The following EMILIN1 variants were observed in gnomAD, a reference collection of about 807,000 sequenced individuals.
EMILIN1 encodes EMILIN-1.
A neutral mutation model predicts 82.4 loss-of-function variants in EMILIN1; 49 were observed. The observed-to-expected ratio is 0.59, with a 90% CI of 0.47 to 0.75. The LOEUF (loss-of-function observed/expected upper bound fraction) is 0.75, where lower values mean the gene tolerates loss of function less well. Ranked by LOEUF, EMILIN1 falls within the 30% of genes least tolerant of loss-of-function variation. The pLI, the probability that EMILIN1 is intolerant of heterozygous loss-of-function variation, is 0.00. For missense variants in EMILIN1, 1,313 were observed against 1,366.4 expected (o/e 0.96, Z 0.62); for synonymous variants, 604 against 602.2 (o/e 1.00, Z -0.04).
At position 27,082,512 on chromosome 2, in the gene EMILIN1, G is replaced by T. The variant is rs1019991582; in HGVS notation, c.941G>T (p.Arg314Leu). 3.2e-6 allele frequency: 5 copies of T among 1,545,408 alleles called. No homozygotes were observed. The highest frequency in any genetic ancestry group is 4.4e-6 in the Non-Finnish European group (5 of 1,145,722). Reference protein sequence around the residue: ...VCLAGLDGFRRQQQEDRERLR... With the variant: ...VCLAGLDGFRLQQQEDRERLR... ...CTGGCCGGGCTAGATGGCTTCCGCC[G>T]GCAGCAGCAGGAGGACAGGGAGCGG... Residue 314 changes from arginine to leucine, a missense_variant, in exon 4 of 8, where the codon CGG becomes CTG. Transcript: ENST00000380320.
At chr2:27,081,055 C>G (rs1669465323) in intron 3 of EMILIN1, 103 bp downstream of exon 3, 3 of 862,806 alleles carry the variant, frequency 3.5e-6, no homozygotes, top group Non-Finnish European at 5.4e-6. Flanking sequence ...GTGCTCTATG[C>G]CAGAGAGAAG....
intron 1 of EMILIN1, 42 bp downstream of exon 1, chr2:27,079,277 A>G: frequency 6.6e-7 from 1 of 1,506,464 alleles, no homozygotes; most frequent in African/African-American, 1.5e-5. Flanking sequence ...GTGGTGAGGA[A>G]GGGGTCAGAA....
Position 27,085,255 on chromosome 2 carries a change from A to G in EMILIN1, c.2671A>G (p.Arg891Gly). 6.2e-7 allele frequency: 1 copy of G among 1,614,144 alleles called. No homozygotes were observed. Among genetic ancestry groups the G allele is most frequent in the Non-Finnish European group, 8.5e-7 (1 of 1,180,042 alleles). The change falls in exon 7 of 8, where the codon AGA (arginine) becomes GGA (glycine). Residue 891 changes from arginine to glycine, a missense_variant. Coordinates refer to ENST00000380320, the MANE Select transcript of EMILIN1 (RefSeq NM_007046.4). ...RSEPGTVPFD[R>G]VLLNDGGYYD... Reference sequence around the variant, plus strand: ...TGAACCAGGCACGGTCCCCTTCGACAGAGTCCTGCTCAATGATGGAGGCTA... The same window carrying G: ...TGAACCAGGCACGGTCCCCTTCGACGGAGTCCTGCTCAATGATGGAGGCTA...
In EMILIN1 at chr2:27,082,396, GGCCCCA is replaced by G; in HGVS notation, c.835_840del (p.Pro279_Ala280del). 3 of 1,609,052 alleles carry G rather than the reference GGCCCCA, an allele frequency of 1.9e-6. No homozygotes were observed. The highest frequency in any genetic ancestry group is 2.5e-6 in the Non-Finnish European group (3 of 1,178,956). Reference sequence around the variant, plus strand: ...GCAGCAGCAGCAGTGGGGGCAGCAGGGCCCCAGCCCCAGCCTCAGCCCCTCCGGGCC... The same window carrying G: ...GCAGCAGCAGCAGTGGGGGCAGCAGGGCCCCAGCCTCAGCCCCTCCGGGCC... On this transcript the variant is annotated inframe_deletion, in exon 4 of 8. Transcript: ENST00000380320.
rs1669584281 is a variant in EMILIN1 at position 27,085,267 on chromosome 2, A to G, written c.2683A>G (p.Asn895Asp). 6.2e-7 allele frequency: 1 copy of G among 1,613,982 alleles called. No individual in the cohort carries two copies. Among genetic ancestry groups the G allele is most frequent in the Admixed American group, 1.7e-5 (1 of 60,014 alleles). The change falls in exon 7 of 8, where the codon AAT (asparagine) becomes GAT (aspartate). Residue 895 changes from asparagine to aspartate, a missense_variant. Asn to Asp is a conservative substitution (Grantham distance 23). Coordinates refer to ENST00000380320, the MANE Select transcript of EMILIN1 (RefSeq NM_007046.4). ...GTVPFDRVLL[N>D]DGGYYDPETG... is the part of the protein sequence containing the mutation. The stretch of plus-strand genomic sequence containing the variant: ...GGTCCCCTTCGACAGAGTCCTGCTC[A>G]ATGATGGAGGCTATTATGATCCAGA...
In EMILIN1 at chr2:27,083,351, C is replaced by T. The variant is rs756693825; in HGVS notation, c.1780C>T (p.Arg594Cys). Reference protein sequence around the residue: ...ACGGVQEELGRLRDGVERCSC... With the variant: ...ACGGVQEELGCLRDGVERCSC... ...TGGCGGAGTCCAAGAGGAACTAGGC[C>T]GCCTTCGGGATGGTGTGGAGCGCTG... Residue 594 changes from arginine (R) to cysteine (C), a missense_variant, in exon 4 of 8, where the codon CGC becomes TGC. Coordinates refer to ENST00000380320, the MANE Select transcript of EMILIN1 (RefSeq NM_007046.4). 5 of 1,612,906 alleles carry T rather than the reference C, an allele frequency of 3.1e-6. No individual in the cohort carries two copies. The highest frequency in any genetic ancestry group is 1.7e-5 in the Admixed American group (1 of 60,002).
At chr2:27,080,314 C>A in intron 2 of EMILIN1, 44 bp downstream of exon 2, 2 of 1,606,350 alleles carry the variant, frequency 1.2e-6, no homozygotes, top group South Asian at 1.1e-5. Context: ...GGGAACTGGG[C>A]GAGGGCAGAT....
intron 2 of EMILIN1, 142 bp from the exon 3 acceptor site, chr2:27,080,590 C>A: frequency 2.8e-6 from 2 of 714,208 alleles, no homozygotes; most frequent in Non-Finnish European, 4.6e-6. Flanking sequence ...GTCAGCTAAG[C>A]AAGGCCACAT....
chr2:27,085,081 T>C, intron 6 of EMILIN1, 73 bp downstream of exon 6: 1 of 1,612,734 alleles, frequency 6.2e-7, no homozygotes, highest in South Asian at 1.1e-5. Context: ...CGGGCAGCCC[T>C]GGGCTGGGGA....
Position 27,083,781 on chromosome 2 carries a change from T to C in EMILIN1, c.2210T>C (p.Leu737Ser). The C allele has an allele frequency of 1.9e-6, 3 of 1,607,172 alleles. No individual in the cohort carries two copies. Among genetic ancestry groups the C allele is most frequent in the Non-Finnish European group, 2.6e-6 (3 of 1,174,366 alleles). ...LGRLEGVCER[L>S]DTVAGGLQGL... ...CGTCTTGAGGGTGTCTGTGAACGGTTGGACACTGTGGCTGGGGGACTGCAG... is the reference window on the plus strand; with the variant it reads ...CGTCTTGAGGGTGTCTGTGAACGGTCGGACACTGTGGCTGGGGGACTGCAG... Residue 737 changes from leucine to serine, a missense_variant, in exon 4 of 8, where the codon TTG becomes TCG. Coordinates refer to ENST00000380320, the MANE Select transcript of EMILIN1 (RefSeq NM_007046.4).
Position 27,080,050 on chromosome 2 carries a change from C to G in EMILIN1, c.171-101C>G, listed in dbSNP as rs549335063. The G allele has an allele frequency of 1.4e-5, 19 of 1,371,192 alleles. No homozygotes were observed. In the Admixed American group the frequency reaches 3.3e-4, roughly 24 times the overall value. The allele number at this position is 1,371,192 out of a possible 1,614,324, so 84.9% of individuals were successfully genotyped here. ...TTGCTCTCACTGATCCCCAAGGGTT[C>G]TGCATCTTTGGAGCCTTCTTCAGCC... is the stretch of plus-strand genomic sequence containing the variant. On this transcript the variant is annotated intron_variant, in intron 1 of 7. Transcript: ENST00000380320.
Position 27,082,126 on chromosome 2 carries a change from G to A in EMILIN1, c.555G>A (p.Val185=), listed in dbSNP as rs1432262466. Residue 185 remains valine (V), a synonymous_variant, in exon 4 of 8, where the codon GTG becomes GTA. Transcript: ENST00000380320. ...AGGTGCAGCAGCTGGAGGAACAGGT[G>A]CAGAGCCTGACCAAGGAGCTGCAAG... is the stretch of plus-strand genomic sequence containing the variant. ...SEKVQQLEEQ[V]QSLTKELQGL... 1 of 1,613,656 alleles carries A rather than the reference G, an allele frequency of 6.2e-7. No individual in the cohort carries two copies. The highest frequency in any genetic ancestry group is 8.5e-7 in the Non-Finnish European group (1 of 1,179,968).
intron 4 of EMILIN1, 133 bp downstream of exon 4, chr2:27,084,144 C>A (rs1411651546): frequency 1.3e-5 from 14 of 1,082,258 alleles, no homozygotes; most frequent in Non-Finnish European, 1.8e-5. Flanking sequence ...AGCCAGTATT[C>A]CAGGTGTTAT....
chr2:27,081,945 T>C, intron 3 of EMILIN1, 138 bp from the exon 4 acceptor site: 1 of 1,117,774 alleles, frequency 8.9e-7, no homozygotes, highest in Non-Finnish European at 1.2e-6. Flanking sequence ...TGGAGTTTCT[T>C]TTTTTTTCTC....
rs762202120 is a variant in EMILIN1 at position 27,082,177 on chromosome 2, G to A, written c.606G>A (p.Leu202=). ...GCCTGCGGGGCGTCCTGCAAGGACT[G>A]AGCGGGCGCCTGGCAGAGGATGTGC... ...LQGLRGVLQG[L]SGRLAEDVQR... Residue 202 remains leucine (L), a synonymous_variant, in exon 4 of 8, where the codon CTG becomes CTA. Transcript: ENST00000380320. 5 of 1,613,770 alleles carry A rather than the reference G, an allele frequency of 3.1e-6. No individual in the cohort carries two copies. The highest frequency in any genetic ancestry group is 2.5e-6 in the Non-Finnish European group (3 of 1,180,030).
chr2:27,084,420 G>A lies in EMILIN1; in HGVS notation c.2446G>A (p.Ala816Thr), dbSNP rs746373532. The A allele has an allele frequency of 6.9e-6, 11 of 1,602,092 alleles. No individual in the cohort carries two copies. Among genetic ancestry groups the A allele is most frequent in the South Asian group, 1.1e-5 (1 of 90,838 alleles). Reference sequence around the variant, plus strand: ...ACTCAATTTTGTCACTGTAGGGCCTGCAGGAGAGGCTGGGCCCCCAGGGCC... The same window carrying A: ...ACTCAATTTTGTCACTGTAGGGCCTACAGGAGAGGCTGGGCCCCCAGGGCC... ...QLSLKDLTGP[A>T]GEAGPPGPPG... Residue 816 changes from alanine (A) to threonine (T), a missense_variant, in exon 5 of 8, where the codon GCA (alanine) becomes ACA (threonine). Coordinates refer to ENST00000380320, the MANE Select transcript of EMILIN1 (RefSeq NM_007046.4).
At position 27,082,896 on chromosome 2, in the gene EMILIN1, C is replaced by T. The variant is rs1207376182; in HGVS notation, c.1325C>T (p.Ala442Val). The T allele has an allele frequency of 1.3e-6, 2 of 1,595,518 alleles. No homozygotes were observed. Among genetic ancestry groups the T allele is most frequent in the African/African-American group, 1.3e-5 (1 of 74,726 alleles). The change falls in exon 4 of 8, where the codon GCC becomes GTC. Residue 442 changes from alanine (A) to valine (V), a missense_variant. Transcript: ENST00000380320. ...GGGCTGAGCCACTGGCTGCCTGCTGCCCGGGGCCGACTAGAGCAGTTGGGG... is the reference window on the plus strand; with the variant it reads ...GGGCTGAGCCACTGGCTGCCTGCTGTCCGGGGCCGACTAGAGCAGTTGGGG... ...PGGLSHWLPA[A>V]RGRLEQLGGL... is the part of the protein sequence containing the mutation.
chr2:27,080,594 G>A (rs1489437022), intron 2 of EMILIN1, 138 bp from the exon 3 acceptor site: 15 of 723,054 alleles, frequency 2.1e-5, no homozygotes, highest in Non-Finnish European at 3.4e-5. Flanking sequence ...GCTAAGCAAG[G>A]CCACATGTTG....
chr2:27,084,518 C>T lies in EMILIN1; in HGVS notation c.2544C>T (p.Pro848=). 4.3e-6 allele frequency: 7 copies of T among 1,610,036 alleles called. No homozygotes were observed. Among genetic ancestry groups the T allele is most frequent in the Non-Finnish European group, 5.9e-6 (7 of 1,176,902 alleles). Residue 848 remains proline, a synonymous_variant, in exon 5 of 8, where the codon CCC becomes CCT. Coordinates refer to ENST00000380320, the MANE Select transcript of EMILIN1 (RefSeq NM_007046.4). Reference sequence around the variant, plus strand: ...CAGGCAAGGACGGGCAAGAGGGCCCCATCGGGCCACCAGGTATGTGCACTG... The same window carrying T: ...CAGGCAAGGACGGGCAAGAGGGCCCTATCGGGCCACCAGGTATGTGCACTG... ...GSPGKDGQEG[P]IGPPGPQGEQ...
Sources: allele counts gnomAD v4.1 joint callset, GRCh38; gene constraint gnomAD v4.1.1; transcripts MANE v1.5; gene names NCBI Gene and HGNC (gene_info 2026-07-23, HGNC 2026-07-21).